ZFYVE28: variants seen among roughly 807,000 people sequenced by gnomAD.
ZFYVE28 encodes zinc finger FYVE-type containing 28, also known as lateral signaling target protein 2 homolog.
Under a neutral mutation model 82.1 loss-of-function variants are expected in ZFYVE28, and 40 were observed. The ratio of observed to expected loss-of-function variants is 0.49; its 90% CI spans 0.38 to 0.63. The LOEUF (loss-of-function observed/expected upper bound fraction) is 0.63. ZFYVE28 is among the 30% of genes least tolerant of loss of function. The pLI, the probability that ZFYVE28 is intolerant of heterozygous loss-of-function variation, is 0.00. For synonymous variants in ZFYVE28, 612 were observed against 546.1 expected, an observed-to-expected ratio of 1.12 and a Z score of -1.68; for missense variants, 1,321 against 1,242.1, an observed-to-expected ratio of 1.06 and a Z score of -0.96.
intron 1 of ZFYVE28, among the ~76,000 whole-genome samples, chr4:2,365,813 T>A (rs1006382411): frequency 3.9e-5 from 6 of 152,174 alleles, no homozygotes; most frequent in Non-Finnish European, 8.8e-5. Flanking sequence ...CTGGACCACC[T>A]GCAGAATAAA....
At chr4:2,275,738 C>T (rs112125741) in intron 8 of ZFYVE28, among the ~76,000 whole-genome samples, 4,319 of 152,326 alleles carry the variant, frequency 0.028, 191 homozygotes, top group East Asian at 0.18. Context: ...AATGTTCGCA[C>T]CGTTTCAGTA....
chr4:2,388,824 C>A (rs1729536969), intron 1 of ZFYVE28, among the ~76,000 whole-genome samples: 1 of 152,206 alleles, frequency 6.6e-6, no homozygotes, highest in African/African-American at 2.4e-5. Context: ...GACCCCTCCC[C>A]TGCTGGGCTG....
intron 1 of ZFYVE28, among the ~76,000 whole-genome samples, chr4:2,396,876 A>T (rs1730528830): frequency 6.6e-6 from 1 of 152,194 alleles, no homozygotes; most frequent in Non-Finnish European, 1.5e-5. Context: ...CTTAACTCCG[A>T]CTGACACGGA....
chr4:2,348,126 T>C (rs191333090), intron 2 of ZFYVE28, among the ~76,000 whole-genome samples: 124 of 152,120 alleles, frequency 8.2e-4, no homozygotes, highest in African/African-American at 2.9e-3. Flanking sequence ...ACGAGAGAGG[T>C]GACATCGCGG....
At chr4:2,286,521 T>G (rs1254565706) in intron 8 of ZFYVE28, 2 of 152,310 alleles carry the variant, frequency 1.3e-5, no homozygotes, top group East Asian at 3.8e-4. Context: ...AGCACCTGGA[T>G]TTCAGCCTGG....
chr4:2,397,361 T>C (rs6843143), intron 1 of ZFYVE28, among the ~76,000 whole-genome samples: 50,819 of 151,264 alleles, frequency 0.34, 10,313 homozygotes, highest in African/African-American at 0.58. Flanking sequence ...GCCTGTAATC[T>C]CAGCTACTCA....
At chr4:2,336,718 A>G (rs1428046692) in intron 5 of ZFYVE28, among the ~76,000 whole-genome samples, 2 of 145,924 alleles carry the variant, frequency 1.4e-5, no homozygotes, top group Non-Finnish European at 3.0e-5. Flanking sequence ...TAAGGAGCTA[A>G]GGAGTAAGGA....
chr4:2,271,923 C>T (rs1393589692), intron 10 of ZFYVE28, 144 bp from the exon 11 acceptor site: 3 of 722,486 alleles, frequency 4.2e-6, no homozygotes, highest in Non-Finnish European at 7.1e-6. Flanking sequence ...GCAGGTGGCA[C>T]CACAGCAGGT....
chr4:2,389,768 G>A (rs1729636656), intron 1 of ZFYVE28, among the ~76,000 whole-genome samples: 1 of 152,162 alleles, frequency 6.6e-6, no homozygotes, highest in Admixed American at 6.6e-5. Context: ...CTAAGGAGAG[G>A]TGGCCCTGCA....
Position 2,280,746 on chromosome 4 carries a change from C to G in ZFYVE28, c.2052-6530G>C, listed in dbSNP as rs539322011. Among the ~76,000 whole-genome samples, 104 of 152,326 alleles carry G rather than the reference C, an allele frequency of 6.8e-4. 1 individual carries two copies. Among genetic ancestry groups the G allele is most frequent in the African/African-American group, 2.3e-3 (96 of 41,574 alleles). On this transcript the variant is annotated intron_variant, in intron 8 of 12. Transcript: ENST00000290974. ...GCCTGCTGGCAGCAGATGGCACCCT[C>G]GGGCCCTGCCTGTGGCGAGGAACTT...
chr4:2,360,133 G>C (rs190837372), intron 1 of ZFYVE28, among the ~76,000 whole-genome samples: 1 of 152,136 alleles, frequency 6.6e-6, no homozygotes, highest in African/African-American at 2.4e-5. Flanking sequence ...GCGTGGGAAA[G>C]GGGCATCCTG....
chr4:2,339,681 G>A lies in ZFYVE28; in HGVS notation c.319-26C>T, dbSNP rs928373584. 3.2e-6 allele frequency: 5 copies of A among 1,567,066 alleles called. No homozygotes were observed. The African/African-American group carries it at 4.1e-5, about 13-fold the overall frequency. On this transcript the variant is annotated intron_variant, in intron 3 of 12. Coordinates refer to ENST00000290974, the MANE Select transcript of ZFYVE28 (RefSeq NM_020972.3). This position sits in a 1 kb window ranked among gnomAD's most constrained non-coding sequence, Gnocchi z 5.0. ...CTGCGGGAGGGGACACACTCAGGGA[G>A]GGGCCCGGGTGAGGGCCAGGCTCTC... is the stretch of plus-strand genomic sequence containing the variant.
At chr4:2,375,996 C>T (rs1459595178) in intron 1 of ZFYVE28, among the ~76,000 whole-genome samples, 1 of 151,720 alleles carries the variant, frequency 6.6e-6, no homozygotes, top group African/African-American at 2.4e-5. Context: ...GCCTCAGCCT[C>T]CCAAGTAGCT....
rs533634848 is a variant in ZFYVE28 at position 2,417,109 on chromosome 4, G to A, written c.39+1176C>T. Among the ~76,000 whole-genome samples the A allele has an allele frequency of 3.9e-5, 6 of 152,354 alleles. No homozygotes were observed. The highest frequency in any genetic ancestry group is 1.4e-4 in the African/African-American group (6 of 41,584). ...CGGAGAAAGGCGGCCAGTGGAGGGA[G>A]GAGGGGTAGGTCGGCAACGCGGTGG... is the stretch of plus-strand genomic sequence containing the variant. On this transcript the variant is annotated intron_variant, in intron 1 of 12. Coordinates refer to ENST00000290974, the MANE Select transcript of ZFYVE28 (RefSeq NM_020972.3). This position sits in a 1 kb window ranked among gnomAD's most constrained non-coding sequence, Gnocchi z 4.8.
At chr4:2,311,336 C>T (rs1717443854) in intron 7 of ZFYVE28, among the ~76,000 whole-genome samples, 1 of 152,034 alleles carries the variant, frequency 6.6e-6, no homozygotes, top group South Asian at 2.1e-4. Context: ...CCAGCCTGGC[C>T]AACACAGTGA....
intron 1 of ZFYVE28, among the ~76,000 whole-genome samples, chr4:2,387,906 A>G (rs1046045287): frequency 6.6e-6 from 1 of 152,236 alleles, no homozygotes; most frequent in African/African-American, 2.4e-5. Flanking sequence ...AGGACCCCTG[A>G]GCCTGGGAAG....
intron 8 of ZFYVE28, among the ~76,000 whole-genome samples, chr4:2,279,202 C>T (rs569427460): frequency 1.9e-4 from 29 of 152,240 alleles, no homozygotes; most frequent in African/African-American, 6.5e-4. Context: ...GAGGCCGAGG[C>T]GAGAGGATCA....
intron 8 of ZFYVE28, among the ~76,000 whole-genome samples, chr4:2,290,784 C>T (rs1397639152): frequency 6.6e-6 from 1 of 152,154 alleles, no homozygotes; most frequent in African/African-American, 2.4e-5. Context: ...TAAGTCCAAG[C>T]ACAAGCCGAG....
intron 6 of ZFYVE28, among the ~76,000 whole-genome samples, chr4:2,334,636 G>A (rs528428948): frequency 7.2e-5 from 10 of 139,302 alleles, no homozygotes; most frequent in South Asian, 2.3e-4. Flanking sequence ...CCCACTCCCC[G>A]ACCACTTCAC....
Sources: allele counts gnomAD v4.1 joint callset (sites outside exome capture counted in the v4.1 genomes callset), GRCh38; gene constraint gnomAD v4.1.1; non-coding constraint Gnocchi (gnomAD v3.1); transcripts MANE v1.5; gene names NCBI Gene and HGNC (gene_info 2026-07-23, HGNC 2026-07-21).